ALOXE3: variants seen among roughly 807,000 people sequenced by gnomAD.
ALOXE3 encodes hydroperoxide isomerase ALOXE3.
Under a neutral mutation model 87.5 loss-of-function variants are expected in ALOXE3, and 78 were observed. The ratio of observed to expected loss-of-function variants is 0.89; its 90% CI spans 0.74 to 1.08. The LOEUF is 1.08. ALOXE3 is among the 50% of genes least tolerant of loss of function. The pLI is 0.00. For missense variants in ALOXE3, 946 were observed against 912.4 expected (o/e 1.04, Z -0.47); for synonymous variants, 363 against 370.8 (o/e 0.98, Z 0.24).
chr17:8,117,058 ACAC>A (rs1814809930), intron 2 of ALOXE3, 78 bp from the exon 3 acceptor site: 1 of 1,314,538 alleles, frequency 7.6e-7, no homozygotes, highest in Admixed American at 1.9e-5. Context: ...AGATGCATCT[ACAC>A]CTAAGCCTAT....
rs1979049531 is a variant in ALOXE3, at chr17:8,103,414, A to C, written c.1865T>G (p.Leu622Arg). 1 of 1,614,050 alleles carries C rather than the reference A, an allele frequency of 6.2e-7. No individual in the cohort carries two copies. The highest frequency in any genetic ancestry group is 8.5e-7 in the Non-Finnish European group (1 of 1,180,024). Residue 622 changes from leucine (L) to arginine (R), a missense_variant, in exon 15 of 16, where the codon CTG becomes CGG. Leu to Arg is a moderately radical substitution (Grantham distance 102, BLOSUM62 -2). Transcript: ENST00000448843. Reference protein sequence around the residue: ...PPPQTKGTTTLKTYLDTLPEV... With the variant: ...PPPQTKGTTTRKTYLDTLPEV... ...AGGGAGGGTGTCTAGGTAAGTCTTC[A>C]GGGTGGTGGTCCCCTTGGTCTGGGG...
At position 8,096,400 on chromosome 17, in the gene ALOXE3, ACTTTGGT is replaced by A; in HGVS notation, c.*220_*226del. On this transcript the variant is annotated 3_prime_UTR_variant, in exon 16 of 16. Transcript: ENST00000448843. The stretch of plus-strand genomic sequence containing the variant: ...TTTCGGAGGGGCTATTGTGCATTGG[ACTTTGGT>A]CAGCGGCTTTTAACCTGGACGCTGC... 1.8e-6 allele frequency: 1 copy of A among 567,888 alleles called. No individual in the cohort carries two copies. Among genetic ancestry groups the A allele is most frequent in the Non-Finnish European group, 3.2e-6 (1 of 316,586 alleles). The allele number at this position is 567,888 out of a possible 1,614,324, so 35.2% of individuals were successfully genotyped here. A position where few individuals can be genotyped will look rare whatever the true frequency, so the allele number is the denominator to read the frequency against.
At position 8,109,312 on chromosome 17, in the gene ALOXE3, T is replaced by C; in HGVS notation, c.1424A>G (p.Tyr475Cys). ...VTSIGRQGLI[Y>C]LMSTGLAHFT... ...GTGGGCCAGGCCCGTGCTCATGAGG[T>C]AGATGAGGCCTTGCCTCCCGATGGA... The change falls in exon 12 of 16, where the codon TAC becomes TGC. Residue 475 changes from tyrosine (Y) to cysteine (C), a missense_variant. Transcript: ENST00000448843. The C allele has an allele frequency of 6.2e-7, 1 of 1,613,838 alleles. No individual in the cohort carries two copies. Among genetic ancestry groups the C allele is most frequent in the Admixed American group, 1.7e-5 (1 of 60,028 alleles).
chr17:8,108,468 C>T lies in ALOXE3; in HGVS notation c.1684G>A (p.Gly562Ser). ...AQAFLGRESS[G>S]FPSRLCTPGE... Reference sequence around the variant, plus strand: ...GGAAAGTGGGATAGAGAGGGGATACCTGAGCTTTCCCGGCCCAGGAACGCC... The same window carrying T: ...GGAAAGTGGGATAGAGAGGGGATACTTGAGCTTTCCCGGCCCAGGAACGCC... The change falls in exon 13 of 16, where the codon GGT becomes AGT. Residue 562 changes from glycine (G) to serine (S), a missense_variant and splice_region_variant. Coordinates refer to ENST00000448843, the MANE Select transcript of ALOXE3 (RefSeq NM_021628.3). The T allele has an allele frequency of 6.2e-7, 1 of 1,612,758 alleles. No homozygotes were observed. Among genetic ancestry groups the T allele is most frequent in the Non-Finnish European group, 8.5e-7 (1 of 1,179,256 alleles).
chr17:8,103,279 T>C (rs1267060803), intron 15 of ALOXE3, 44 bp downstream of exon 15: 1 of 1,609,388 alleles, frequency 6.2e-7, no homozygotes. Flanking sequence ...CCCCTACTGG[T>C]GGCCCTAAAG....
chr17:8,107,922 A>G lies in ALOXE3; in HGVS notation c.1684+546T>C, dbSNP rs1567996503. Among the ~76,000 whole-genome samples the G allele has an allele frequency of 2.4e-3, 16 of 6,632 alleles. 3 individuals carry two copies. The highest frequency in any genetic ancestry group is 0.17 in the Middle Eastern group (2 of 12). The allele number at this position is 6,632 out of a possible 152,430, so 4.4% of individuals were successfully genotyped here. ...GAAAGAAAGAAAGAAAGAAAGAAAG[A>G]AAGAAAGAAAGAAAGAAAGAAAGAA... On this transcript the variant is annotated intron_variant, in intron 13 of 15. Transcript: ENST00000448843.
rs141340759 is a variant in ALOXE3, at chr17:8,114,533, G to C, written c.631C>G (p.Arg211Gly). 6.2e-7 allele frequency: 1 copy of C among 1,613,860 alleles called. No individual in the cohort carries two copies. Among genetic ancestry groups the C allele is most frequent in the Admixed American group, 1.7e-5 (1 of 59,982 alleles). Residue 211 changes from arginine (R) to glycine (G), a missense_variant, in exon 6 of 16, where the codon CGA becomes GGA. Arg to Gly is a moderately radical substitution (Grantham distance 125). Transcript: ENST00000448843. Reference protein sequence around the residue: ...PSLMYMEPNVRYSATKTISLL... With the variant: ...PSLMYMEPNVGYSATKTISLL... Reference sequence around the variant, plus strand: ...GAGATCGTCTTGGTGGCTGAGTATCGAACATTGGGCTCCATGTACATCAGG... The same window carrying C: ...GAGATCGTCTTGGTGGCTGAGTATCCAACATTGGGCTCCATGTACATCAGG...
intron 13 of ALOXE3, among the ~76,000 whole-genome samples, chr17:8,105,597 AC>A (rs1979240040): frequency 6.6e-6 from 1 of 152,152 alleles, no homozygotes; most frequent in African/African-American, 2.4e-5. Flanking sequence ...CTTAATAAAT[AC>A]CAAGAGCCCG....
intron 15 of ALOXE3, among the ~76,000 whole-genome samples, chr17:8,097,491 A>G (rs1307550359): frequency 6.6e-6 from 1 of 151,984 alleles, no homozygotes; most frequent in Admixed American, 6.5e-5. Flanking sequence ...TACCTTCACA[A>G]TCAACCATCG....
intron 13 of ALOXE3, among the ~76,000 whole-genome samples, chr17:8,105,745 AT>A (rs1567994483): frequency 2.0e-5 from 3 of 151,828 alleles, no homozygotes; most frequent in Non-Finnish European, 4.4e-5. Context: ...TCTAAAAAAC[AT>A]TTTTTAAAAA....
In ALOXE3 at chr17:8,107,931, A is replaced by G. The variant is rs1366144294; in HGVS notation, c.1684+537T>C. Among the ~76,000 whole-genome samples the G allele has an allele frequency of 4.2e-3, 26 of 6,190 alleles. 5 individuals carry two copies. Among genetic ancestry groups the G allele is most frequent in the Admixed American group, 0.021 (16 of 774 alleles). The allele number at this position is 6,190 out of a possible 152,430, so 4.1% of individuals were successfully genotyped here. ...AAAGAAAGAAAGAAAGAAAGAAAGA[A>G]AGAAAGAAAGAAAGAAAGAAAGAAA... On this transcript the variant is annotated intron_variant, in intron 13 of 15. Transcript: ENST00000448843.
intron 8 of ALOXE3, 39 bp from the exon 9 acceptor site, chr17:8,110,567 T>G (rs1979987029): frequency 1.2e-6 from 2 of 1,612,752 alleles, no homozygotes; most frequent in Non-Finnish European, 8.5e-7. Context: ...CCCTCCCTAC[T>G]CGCGCTCCAC....
intron 13 of ALOXE3, among the ~76,000 whole-genome samples, chr17:8,104,436 C>A (rs1017502902): frequency 6.6e-6 from 1 of 152,144 alleles, no homozygotes; most frequent in Non-Finnish European, 1.5e-5. Context: ...AGAAAATCCC[C>A]GGCAGGCAGG....
At position 8,114,465 on chromosome 17, in the gene ALOXE3, A is replaced by G; in HGVS notation, c.680+19T>C. On this transcript the variant is annotated intron_variant, in intron 6 of 15. Coordinates refer to ENST00000448843, the MANE Select transcript of ALOXE3 (RefSeq NM_021628.3). Reference sequence around the variant, plus strand: ...TGGGCAGAGATGTAAGATGTTCATTAGAGGGACAATGGCCTTACGCAGGGA... The same window carrying G: ...TGGGCAGAGATGTAAGATGTTCATTGGAGGGACAATGGCCTTACGCAGGGA... 1 of 1,613,914 alleles carries G rather than the reference A, an allele frequency of 6.2e-7. No homozygotes were observed.
intron 13 of ALOXE3, among the ~76,000 whole-genome samples, chr17:8,104,742 G>C (rs1161435983): frequency 6.6e-6 from 1 of 152,240 alleles, no homozygotes; most frequent in Non-Finnish European, 1.5e-5. Context: ...CAGGAGCAGA[G>C]TGGTTAGTGG....
At chr17:8,105,630 G>A (rs1398003618) in intron 13 of ALOXE3, among the ~76,000 whole-genome samples, 1 of 152,154 alleles carries the variant, frequency 6.6e-6, no homozygotes, top group African/African-American at 2.4e-5. Flanking sequence ...TTGAATGAAG[G>A]AATGCATGAG....
In ALOXE3 at chr17:8,116,907, T is replaced by C. The variant is rs994430742; in HGVS notation, c.221A>G (p.Tyr74Cys). The C allele has an allele frequency of 1.2e-6, 2 of 1,614,254 alleles. No individual in the cohort carries two copies. Among genetic ancestry groups the C allele is most frequent in the Admixed American group, 1.7e-5 (1 of 60,030 alleles). ...CCAAGAGTCCTTGCGGAAGAAAGCG[T>C]AGCGCTCCTTGTGTACACGCAGCAG... ...LLLLRVHKER[Y>C]AFFRKDSWYC... Residue 74 changes from tyrosine to cysteine, a missense_variant, in exon 3 of 16, where the codon TAC becomes TGC. Physicochemically the swap from Tyr to Cys is radical, Grantham distance 194 (BLOSUM62 -2). Transcript: ENST00000448843.
chr17:8,112,254 A>C, intron 6 of ALOXE3, 58 bp from the exon 7 acceptor site: 1 of 1,330,986 alleles, frequency 7.5e-7, no homozygotes, highest in South Asian at 1.2e-5. Context: ...GCTGGGAATC[A>C]CTGTGTGCCC....
chr17:8,106,468 C>T (rs1303864499), intron 13 of ALOXE3, among the ~76,000 whole-genome samples: 1 of 151,916 alleles, frequency 6.6e-6, no homozygotes, highest in Non-Finnish European at 1.5e-5. Flanking sequence ...TCAATAGAGC[C>T]CAGGAGTTTG....
Sources: gnomAD v4.1 joint callset for allele counts (sites outside exome capture counted in the v4.1 genomes callset) on GRCh38, gnomAD v4.1.1 for gene constraint, MANE v1.5 for transcripts, NCBI Gene and HGNC (gene_info 2026-07-23, HGNC 2026-07-21) for gene names.